Variants in ENTPD7 observed in about 807,000 individuals in gnomAD.
ENTPD7 encodes ectonucleoside triphosphate diphosphohydrolase 7.
A neutral mutation model predicts 77.9 loss-of-function variants in ENTPD7; 53 were observed. The ratio of observed to expected loss-of-function variants is 0.68; its 90% CI spans 0.55 to 0.85. ENTPD7 has a LOEUF of 0.85. ENTPD7 is among the 40% of genes least tolerant of loss of function. ENTPD7 has a pLI of 0.00. For synonymous variants in ENTPD7, 248 were observed against 274.9 expected, an observed-to-expected ratio of 0.90 and a Z score of 0.97; for missense variants, 636 against 743.7, an observed-to-expected ratio of 0.86 and a Z score of 1.68.
chr10:99,698,123 C>T (rs1404581955), intron 9 of ENTPD7, among the ~76,000 whole-genome samples: 3 of 152,170 alleles, frequency 2.0e-5, no homozygotes, highest in African/African-American at 4.8e-5. Context: ...GTGGTCTGCT[C>T]TTCAGGAATC....
chr10:99,682,919 C>T (rs2035770570), intron 5 of ENTPD7, among the ~76,000 whole-genome samples: 4 of 152,108 alleles, frequency 2.6e-5, no homozygotes, highest in Admixed American at 2.0e-4. Flanking sequence ...GTTTGGCTAC[C>T]TTTAGTGTGT....
At chr10:99,660,729 A>G (rs1263929561) in intron 2 of ENTPD7, among the ~76,000 whole-genome samples, 1 of 152,140 alleles carries the variant, frequency 6.6e-6, no homozygotes, top group African/African-American at 2.4e-5. Flanking sequence ...GTTCAGGACC[A>G]GCCTGGCCAA....
intron 6 of ENTPD7, 40 bp from the exon 7 acceptor site, chr10:99,688,654 A>C: frequency 6.2e-7 from 1 of 1,601,884 alleles, no homozygotes; most frequent in South Asian, 1.1e-5. Flanking sequence ...ATGGCATAGC[A>C]GTAGAGAATT....
rs2036232151 is a variant in ENTPD7 at position 99,705,382 on chromosome 10, G to A, written c.*699G>A. ...CTTATCTGATGCCTGGTATGATGAG[G>A]ATAGAAAATTTTTCCATTTTTATGT... On this transcript the variant is annotated 3_prime_UTR_variant, in exon 13 of 13. Transcript: ENST00000370489. The A allele has an allele frequency of 6.6e-6, 1 of 152,566 alleles. No individual in the cohort carries two copies. Among genetic ancestry groups the A allele is most frequent in the Non-Finnish European group, 1.5e-5 (1 of 68,050 alleles). The allele number at this position is 152,566 out of a possible 1,614,324, so 9.5% of individuals were successfully genotyped here.
intron 7 of ENTPD7, among the ~76,000 whole-genome samples, chr10:99,690,981 T>A (rs2035875370): frequency 6.6e-6 from 1 of 152,142 alleles, no homozygotes. Context: ...TCAGTTAGTA[T>A]ACTTGTTTGC....
chr10:99,685,675 T>C, intron 5 of ENTPD7, 117 bp from the exon 6 acceptor site: 1 of 677,902 alleles, frequency 1.5e-6, no homozygotes, highest in Non-Finnish European at 2.6e-6. Context: ...GCTGGACAAG[T>C]AGATGAGGTA....
rs1466688689 is a variant in ENTPD7, at chr10:99,708,085, A to G, written c.*3402A>G. 1.3e-5 allele frequency among the ~76,000 whole-genome samples: 2 copies of G among 152,126 alleles called. No homozygotes were observed. The highest frequency in any genetic ancestry group is 6.6e-5 in the Admixed American group (1 of 15,262). ...CCTGCTCTAGTAGTCCACAGTGTCTATTCTGGTCTGGGAAATTTTCATCAC... is the reference window on the plus strand; with the variant it reads ...CCTGCTCTAGTAGTCCACAGTGTCTGTTCTGGTCTGGGAAATTTTCATCAC... On this transcript the variant is annotated 3_prime_UTR_variant, in exon 13 of 13. Transcript: ENST00000370489.
intron 9 of ENTPD7, chr10:99,697,455 A>T (rs1168523688): frequency 6.3e-6 from 1 of 159,708 alleles, no homozygotes; most frequent in African/African-American, 2.4e-5. Context: ...GCTGCCTCCA[A>T]ACTACTTCTT....
In ENTPD7 at chr10:99,710,456, T is replaced by TA. The variant is rs376877690; in HGVS notation, c.*5779dup. On this transcript the variant is annotated 3_prime_UTR_variant, in exon 13 of 13. Transcript: ENST00000370489. ...CATCTTTTTATTATGATCTACACTTTAAAAAACCAAAGGCTGCCTGTATTA... is the reference window on the plus strand; with the variant it reads ...CATCTTTTTATTATGATCTACACTTTAAAAAAACCAAAGGCTGCCTGTATTA... 0.018 allele frequency: 17,272 copies of TA among 985,426 alleles called. 177 individuals carry two copies. Among genetic ancestry groups the TA allele is most frequent in the Non-Finnish European group, 0.02 (16,350 of 829,916 alleles). The allele number at this position is 985,426 out of a possible 1,614,324, so 61.0% of individuals were successfully genotyped here.
chr10:99,675,395 A>G (rs1040608943), intron 3 of ENTPD7, among the ~76,000 whole-genome samples: 1 of 152,080 alleles, frequency 6.6e-6, no homozygotes, highest in Admixed American at 6.5e-5. Flanking sequence ...AACTCAGTGA[A>G]CCAATTATTT....
Position 99,679,745 on chromosome 10 carries a change from A to T in ENTPD7, c.418A>T (p.Thr140Ser). ...TTAAGGAATCTCTGCAATGGCAGACACTCCAGAACATGCCAGTGATTACCT... is the reference window on the plus strand; with the variant it reads ...TTAAGGAATCTCTGCAATGGCAGACTCTCCAGAACATGCCAGTGATTACCT... ...IKPGISAMADTPEHASDYLRP... is the reference protein window; with the variant it reads ...IKPGISAMADSPEHASDYLRP... Residue 140 changes from threonine to serine, a missense_variant, in exon 5 of 13, where the codon ACT (threonine) becomes TCT (serine). Physicochemically the swap from Thr to Ser is moderately conservative, Grantham distance 58. Transcript: ENST00000370489. The T allele has an allele frequency of 6.2e-7, 1 of 1,608,666 alleles. No individual in the cohort carries two copies. The highest frequency in any genetic ancestry group is 8.5e-7 in the Non-Finnish European group (1 of 1,178,580).
In ENTPD7 at chr10:99,659,752, C is replaced by G; in HGVS notation, c.-95-110C>G. The G allele has an allele frequency of 1.6e-6, 1 of 636,062 alleles. No homozygotes were observed. The highest frequency in any genetic ancestry group is 1.9e-5 in the African/African-American group (1 of 53,512). 39.4% of individuals were successfully genotyped at this position (636,062 alleles called of 1,614,324 possible). On this transcript the variant is annotated intron_variant, in intron 1 of 12. Coordinates refer to ENST00000370489, the MANE Select transcript of ENTPD7 (RefSeq NM_020354.5). This position sits in a 1 kb window ranked among gnomAD's most constrained non-coding sequence, Gnocchi z 4.1. ...GGTAGGGTCCCCTGGGCCTGAGGAA[C>G]CAGAGCAGACGGAGCGGGAGCCTGG... is the stretch of plus-strand genomic sequence containing the variant.
chr10:99,695,642 G>C lies in ENTPD7; in HGVS notation c.844-314G>C, dbSNP rs568265707. Among the ~76,000 whole-genome samples, 3 of 152,222 alleles carry C rather than the reference G, an allele frequency of 2.0e-5. No homozygotes were observed. In the South Asian group the frequency reaches 6.2e-4, roughly 32 times the overall value. ...TATTAAAATAACACATTCCCATTGA[G>C]GGAATTGGAAAATACAGAAAAATAC... On this transcript the variant is annotated intron_variant, in intron 8 of 12. Transcript: ENST00000370489.
chr10:99,675,553 T>TGGG, intron 3 of ENTPD7, among the ~76,000 whole-genome samples: 1 of 7,928 alleles, frequency 1.3e-4, no homozygotes, highest in African/African-American at 4.1e-4. Context: ...CATCTTTTTT[T>TGGG]AGGGGGGTGG....
intron 2 of ENTPD7, chr10:99,660,167 G>A (rs768645836): frequency 1.8e-6 from 1 of 550,626 alleles, no homozygotes; most frequent in Non-Finnish European, 2.3e-6. Flanking sequence ...TAGACCAGGA[G>A]TGGTAGAGTG....
At chr10:99,684,113 T>A (rs1267773520) in intron 5 of ENTPD7, among the ~76,000 whole-genome samples, 1 of 152,196 alleles carries the variant, frequency 6.6e-6, no homozygotes, top group East Asian at 1.9e-4. Context: ...TGGAGTGCAG[T>A]GGCATGATCT....
In ENTPD7 at chr10:99,710,184, C is replaced by A. The variant is rs1474948953; in HGVS notation, c.*5501C>A. ...AGCCCTGGTACTTTCCTAAGTGGCC[C>A]CTCCTACAGAGCACTTGCCGGCATT... On this transcript the variant is annotated 3_prime_UTR_variant, in exon 13 of 13. Coordinates refer to ENST00000370489, the MANE Select transcript of ENTPD7 (RefSeq NM_020354.5). 6.1e-6 allele frequency: 6 copies of A among 985,286 alleles called. No individual in the cohort carries two copies. In the East Asian group the frequency reaches 6.8e-4, roughly 112 times the overall value. 61.0% of individuals were successfully genotyped at this position (985,286 alleles called of 1,614,324 possible). A position where few individuals can be genotyped will look rare whatever the true frequency, so the allele number is the denominator to read the frequency against.
intron 3 of ENTPD7, among the ~76,000 whole-genome samples, chr10:99,672,053 G>A (rs551675770): frequency 3.3e-5 from 5 of 152,232 alleles, no homozygotes; most frequent in East Asian, 1.9e-4. Flanking sequence ...ATTTATTCAC[G>A]TTTATTTTAT....
At chr10:99,703,841 C>T (rs2036192866) in intron 12 of ENTPD7, among the ~76,000 whole-genome samples, 1 of 152,120 alleles carries the variant, frequency 6.6e-6, no homozygotes, top group African/African-American at 2.4e-5. Context: ...CCTGCCTCAG[C>T]CTTCTGAGTA....
Sources: allele counts gnomAD v4.1 joint callset (sites outside exome capture counted in the v4.1 genomes callset), GRCh38; gene constraint gnomAD v4.1.1; non-coding constraint Gnocchi (gnomAD v3.1); transcripts MANE v1.5; gene names NCBI Gene and HGNC (gene_info 2026-07-23, HGNC 2026-07-21).